The following LRRC4C variants were observed in gnomAD, a reference collection of about 807,000 sequenced individuals.
LRRC4C encodes leucine-rich repeat-containing protein 4C.
Under a neutral mutation model 33.6 loss-of-function variants are expected in LRRC4C, and 5 were observed. The observed-to-expected ratio is 0.15, with a 90% CI of 0.08 to 0.31. The LOEUF is 0.31. LRRC4C is among the 10% of genes least tolerant of loss of function. The probability of loss-of-function intolerance (pLI) is 1.00; values close to 1 mark genes in which losing one functional copy is unlikely to be tolerated. For synonymous variants in LRRC4C, 329 were observed against 302.0 expected (o/e 1.09, Z -0.93); for missense variants, 560 against 796.7 (o/e 0.70, Z 3.58).
At chr11:40,860,532 C>T (rs1391480748) in intron 2 of LRRC4C, among the ~76,000 whole-genome samples, 1 of 152,122 alleles carries the variant, frequency 6.6e-6, no homozygotes, top group Non-Finnish European at 1.5e-5. Flanking sequence ...ATGTGCCAAG[C>T]GATCTTTGGA....
intron 3 of LRRC4C, among the ~76,000 whole-genome samples, chr11:40,372,671 G>T (rs1207401661): frequency 6.6e-6 from 1 of 152,170 alleles, no homozygotes; most frequent in East Asian, 1.9e-4. Context: ...ATGATGCTAT[G>T]CCTGGATAGG....
chr11:41,193,806 CTT>C (rs34857286), intron 1 of LRRC4C, among the ~76,000 whole-genome samples: 1 of 150,992 alleles, frequency 6.6e-6, no homozygotes, highest in African/African-American at 2.4e-5. Context: ...CTGATTTTGC[CTT>C]TTTTTTTAAC....
intron 1 of LRRC4C, among the ~76,000 whole-genome samples, chr11:41,290,684 T>C (rs1591173241): frequency 6.6e-6 from 1 of 152,098 alleles, no homozygotes; most frequent in South Asian, 2.1e-4. Flanking sequence ...TAATGAGACT[T>C]AAAAAACTCT....
chr11:40,291,074 T>A (rs1032989794), intron 4 of LRRC4C, among the ~76,000 whole-genome samples: 1 of 152,152 alleles, frequency 6.6e-6, no homozygotes, highest in Non-Finnish European at 1.5e-5. Context: ...GTTTCCTTTT[T>A]TTATTGACTT....
intron 2 of LRRC4C, among the ~76,000 whole-genome samples, chr11:40,722,297 C>T (rs1947056974): frequency 6.6e-6 from 1 of 152,092 alleles, no homozygotes; most frequent in African/African-American, 2.4e-5. Context: ...CTCCTCTCCT[C>T]CCTAGAGAGA....
At chr11:40,684,193 T>C (rs559941585) in intron 2 of LRRC4C, among the ~76,000 whole-genome samples, 11 of 152,104 alleles carry the variant, frequency 7.2e-5, no homozygotes, top group East Asian at 3.9e-4. Flanking sequence ...CTTTACAAAA[T>C]GTATGTTACA....
chr11:41,007,583 C>T (rs1444511424), intron 1 of LRRC4C, among the ~76,000 whole-genome samples: 2 of 151,908 alleles, frequency 1.3e-5, no homozygotes, highest in African/African-American at 2.4e-5. Flanking sequence ...CAAAGATGAC[C>T]GTGGTAGCCA....
At chr11:41,088,188 C>T (rs185549116) in intron 1 of LRRC4C, among the ~76,000 whole-genome samples, 34 of 152,082 alleles carry the variant, frequency 2.2e-4, no homozygotes, top group Admixed American at 2.6e-4. Context: ...GAAATTGAGT[C>T]CCAAATAAGT....
intron 3 of LRRC4C, among the ~76,000 whole-genome samples, chr11:40,452,156 C>T (rs936837512): frequency 6.6e-6 from 1 of 152,022 alleles, no homozygotes; most frequent in South Asian, 2.1e-4. Flanking sequence ...AAAGCAATGG[C>T]AACAAAAGAC....
chr11:40,298,267 G>T (rs1449334036), intron 4 of LRRC4C, among the ~76,000 whole-genome samples: 1 of 151,934 alleles, frequency 6.6e-6, no homozygotes, highest in African/African-American at 2.4e-5. Flanking sequence ...TAAACCATTT[G>T]AAATCTTAAT....
intron 3 of LRRC4C, among the ~76,000 whole-genome samples, chr11:40,553,340 T>C (rs530932942): frequency 1.3e-5 from 2 of 152,270 alleles, no homozygotes; most frequent in African/African-American, 2.4e-5. Flanking sequence ...ATAATTTTTA[T>C]AGAACTAAAT....
chr11:40,236,411 T>C (rs1865561528), intron 5 of LRRC4C, among the ~76,000 whole-genome samples: 2 of 152,208 alleles, frequency 1.3e-5, no homozygotes, highest in South Asian at 2.1e-4. Context: ...CTTTTAAAGA[T>C]TCAATCTTTG....
At chr11:41,448,122 G>GT (rs71063918) in intron 1 of LRRC4C, among the ~76,000 whole-genome samples, 3,559 of 46,932 alleles carry the variant, frequency 0.076, 603 homozygotes, top group Non-Finnish European at 0.1. Context: ...GCACACGTCT[G>GT]TTTTTTTTTT....
chr11:40,381,063 T>C (rs1189626610), intron 3 of LRRC4C, among the ~76,000 whole-genome samples: 1 of 152,198 alleles, frequency 6.6e-6, no homozygotes, highest in African/African-American at 2.4e-5. Flanking sequence ...AAGAATCTTA[T>C]GACTATGGAT....
At chr11:40,332,366 T>C (rs1946400358) in intron 3 of LRRC4C, among the ~76,000 whole-genome samples, 1 of 152,184 alleles carries the variant, frequency 6.6e-6, no homozygotes, top group Admixed American at 6.5e-5. Context: ...ACTATGTGTG[T>C]CTTCCTGTAA....
At position 40,752,872 on chromosome 11, in the gene LRRC4C, G is replaced by A. The variant is rs537652036; in HGVS notation, c.-406-104594C>T. ...AAGCCAACATACGGAATCAACCTAA[G>A]TATCTGTCAATGGATAAATGTATAA... On this transcript the variant is annotated intron_variant, in intron 2 of 6. Transcript: ENST00000528697. Among the ~76,000 whole-genome samples, 3 of 152,084 alleles carry A rather than the reference G, an allele frequency of 2.0e-5. No individual in the cohort carries two copies. In the South Asian group the frequency reaches 6.2e-4, roughly 32 times the overall value.
chr11:40,307,970 T>C (rs1352592284), intron 4 of LRRC4C, among the ~76,000 whole-genome samples: 1 of 152,220 alleles, frequency 6.6e-6, no homozygotes, highest in East Asian at 1.9e-4. Context: ...AGAATTATAG[T>C]TGTCATTTGA....
chr11:41,375,956 C>G (rs1952922068), intron 1 of LRRC4C, among the ~76,000 whole-genome samples: 1 of 151,728 alleles, frequency 6.6e-6, no homozygotes, highest in Non-Finnish European at 1.5e-5. Context: ...TAGGGAAGTT[C>G]AGATTAAACT....
chr11:41,123,895 T>C (rs1286772898), intron 1 of LRRC4C, among the ~76,000 whole-genome samples: 1 of 152,220 alleles, frequency 6.6e-6, no homozygotes, highest in Non-Finnish European at 1.5e-5. Context: ...CACTTCACAC[T>C]GTGTACTCAT....
Sources: allele counts gnomAD v4.1 joint callset (sites outside exome capture counted in the v4.1 genomes callset), GRCh38; gene constraint gnomAD v4.1.1; transcripts MANE v1.5; gene names NCBI Gene and HGNC (gene_info 2026-07-23, HGNC 2026-07-21).